DDX51: variants seen among roughly 807,000 people sequenced by gnomAD.
DDX51 encodes the protein DEAD-box helicase 51, also known as ATP-dependent RNA helicase DDX51.
In DDX51, 67 loss-of-function variants were observed where a neutral mutation model predicts 74.6. The observed-to-expected ratio is 0.90, with a 90% CI of 0.74 to 1.10. DDX51 has a LOEUF of 1.10. Among genes scored for constraint, DDX51 ranks in the 50% least tolerant of loss-of-function variants. The probability of loss-of-function intolerance (pLI) is 0.00; values close to 1 mark genes in which losing one functional copy is unlikely to be tolerated. For synonymous variants in DDX51, 545 were observed against 402.9 expected (o/e 1.35, Z -4.22); for missense variants, 1,056 against 905.2 (o/e 1.17, Z -2.14).
At position 132,141,959 on chromosome 12, in the gene DDX51, GC is replaced by G. The variant is rs1400120318; in HGVS notation, c.889-4del. 6 of 1,612,408 alleles carry G rather than the reference GC, an allele frequency of 3.7e-6. No homozygotes were observed. The highest frequency in any genetic ancestry group is 5.1e-6 in the Non-Finnish European group (6 of 1,179,696). On this transcript the variant is annotated splice_region_variant and splice_polypyrimidine_tract_variant and intron_variant, in intron 5 of 14. Coordinates refer to ENST00000397333, the MANE Select transcript of DDX51 (RefSeq NM_175066.4). ...TAGATGTTGAAAACTTTGCTCACCT[GC>G]AGGAGAAGTCTGTCACTGGCCTGGA...
rs1897607394 is a variant in DDX51, at chr12:132,144,204, G to A, written c.93C>T (p.Ala31=). ...TCTGCAGCCGCTCGAGCAGCGCGCG[G>A]GCCCTGCCGTGCGCCCCGGCCTCCG... ...EGAEAGAHGR[A]RALLERLQSR... Residue 31 remains alanine, a synonymous_variant, in exon 1 of 15, where the codon GCC becomes GCT. Transcript: ENST00000397333. 4.2e-6 allele frequency: 5 copies of A among 1,191,782 alleles called. No homozygotes were observed. The highest frequency in any genetic ancestry group is 4.5e-5 in the Admixed American group (1 of 22,114). 73.8% of individuals were successfully genotyped at this position (1,191,782 alleles called of 1,614,324 possible).
In DDX51 at chr12:132,143,699, G is replaced by C; in HGVS notation, c.515C>G (p.Pro172Arg). The C allele has an allele frequency of 1.3e-6, 2 of 1,538,058 alleles. No individual in the cohort carries two copies. The highest frequency in any genetic ancestry group is 8.7e-7 in the Non-Finnish European group (1 of 1,144,614). ...VLGGFGKRKA[P>R]KVQPFLPRWL... ...CTCCCGCCCGCCGAGGCTCACCTTC[G>C]GCGCCTTCCTCTTCCCGAACCCCCC... is the stretch of plus-strand genomic sequence containing the variant. The change falls in exon 2 of 15, where the codon CCG becomes CGG. Residue 172 changes from proline to arginine, a missense_variant. Transcript: ENST00000397333.
rs1278628145 is a variant in DDX51 at position 132,143,166 on chromosome 12, G to A, written c.520-288C>T. 6 of 460,506 alleles carry A rather than the reference G, an allele frequency of 1.3e-5. 1 individual carries two copies. The highest frequency in any genetic ancestry group is 6.3e-5 in the South Asian group (3 of 47,952). The allele number at this position is 460,506 out of a possible 1,614,324, so 28.5% of individuals were successfully genotyped here. On this transcript the variant is annotated intron_variant, in intron 2 of 14. Coordinates refer to ENST00000397333, the MANE Select transcript of DDX51 (RefSeq NM_175066.4). ...GGCGCTCGCCTGCCCCAGCCACGCC[G>A]GCGTCCCTGCCTCGAGGCCTCTGCC...
rs780780937 is a variant in DDX51, at chr12:132,141,886, G to C, written c.959C>G (p.Ser320Cys). 1.2e-6 allele frequency: 2 copies of C among 1,613,224 alleles called. No homozygotes were observed. Among genetic ancestry groups the C allele is most frequent in the Non-Finnish European group, 1.7e-6 (2 of 1,180,000 alleles). ...LRVSLVTGQK[S>C]LAKEQESLVQ... ...GAGGCTCTCCTGCTCCTTGGCCAGA[G>C]ACTTCTGTCCCGTAACCAGGGAGAC... is the stretch of plus-strand genomic sequence containing the variant. Residue 320 changes from serine (S) to cysteine (C), a missense_variant, in exon 6 of 15, where the codon TCT becomes TGT. Physicochemically the swap from Ser to Cys is moderately radical, Grantham distance 112 (BLOSUM62 -1). Transcript: ENST00000397333.
Position 132,141,925 on chromosome 12 carries a change from G to T in DDX51, c.920C>A (p.Ala307Asp). 1 of 1,613,206 alleles carries T rather than the reference G, an allele frequency of 6.2e-7. No individual in the cohort carries two copies. The highest frequency in any genetic ancestry group is 1.7e-5 in the Admixed American group (1 of 60,022). Residue 307 changes from alanine to aspartate, a missense_variant, in exon 6 of 15, where the codon GCC becomes GAC. By Grantham distance (126) the Ala-to-Asp change is moderately radical. Transcript: ENST00000397333. ...VSKVFNIYTD[A>D]TPLRVSLVTG... is the part of the protein sequence containing the mutation. ...AACCAGGGAGACTCTCAGAGGTGTG[G>T]CATCTGTGTAGATGTTGAAAACTTT...
chr12:132,141,483 G>A lies in DDX51; in HGVS notation c.1104+15C>T, dbSNP rs1897460336. ...CCCTGAGCTCAAAGCCCAGGCCCCT[G>A]GGGCGGGGACCTACCAGGAAGCGGA... is the stretch of plus-strand genomic sequence containing the variant. On this transcript the variant is annotated intron_variant, in intron 7 of 14. Transcript: ENST00000397333. 1 of 1,583,790 alleles carries A rather than the reference G, an allele frequency of 6.3e-7. No individual in the cohort carries two copies. Among genetic ancestry groups the A allele is most frequent in the Middle Eastern group, 1.7e-4 (1 of 5,978 alleles).
rs780772113 is a variant in DDX51, at chr12:132,141,265, T to C, written c.1250+10A>G. Reference sequence around the variant, plus strand: ...AGGGGAGGCCAGCACCTGGGCGTGCTGCTGGATACCTGGCGGCTGTCACAG... The same window carrying C: ...AGGGGAGGCCAGCACCTGGGCGTGCCGCTGGATACCTGGCGGCTGTCACAG... On this transcript the variant is annotated intron_variant, in intron 8 of 14. Transcript: ENST00000397333. The C allele has an allele frequency of 6.9e-6, 11 of 1,584,076 alleles. No individual in the cohort carries two copies. The highest frequency in any genetic ancestry group is 2.7e-5 in the African/African-American group (2 of 74,568).
In DDX51 at chr12:132,141,116, G is replaced by A. The variant is rs1014317778; in HGVS notation, c.1251-96C>T. Reference sequence around the variant, plus strand: ...CATGCTACGCACTGTAGAGACTGCCGCAGACCAGGAGCAAGGTGGGTCCAG... The same window carrying A: ...CATGCTACGCACTGTAGAGACTGCCACAGACCAGGAGCAAGGTGGGTCCAG... On this transcript the variant is annotated intron_variant, in intron 8 of 14. Coordinates refer to ENST00000397333, the MANE Select transcript of DDX51 (RefSeq NM_175066.4). 173 of 1,501,792 alleles carry A rather than the reference G, an allele frequency of 1.2e-4. 1 individual carries two copies. In the East Asian group the frequency reaches 3.6e-3, roughly 31 times the overall value. 93.0% of individuals were successfully genotyped at this position (1,501,792 alleles called of 1,614,324 possible). A position where few individuals can be genotyped will look rare whatever the true frequency, so the allele number is the denominator to read the frequency against.
rs1240017271 is a variant in DDX51, at chr12:132,137,778, G to C, written c.*1494C>G. 3 of 152,172 alleles carry C rather than the reference G, an allele frequency of 2.0e-5. No individual in the cohort carries two copies. Among genetic ancestry groups the C allele is most frequent in the East Asian group, 1.9e-4 (1 of 5,192 alleles). The allele number at this position is 152,172 out of a possible 1,614,324, so 9.4% of individuals were successfully genotyped here. ...GTATCCACCCAGTCCATGGTTTTTA[G>C]TAAAAGGTTTATAGAGGTGAGCAGC... is the stretch of plus-strand genomic sequence containing the variant. On this transcript the variant is annotated 3_prime_UTR_variant, in exon 15 of 15. Transcript: ENST00000397333.
chr12:132,140,803 C>T (rs1897425048), intron 9 of DDX51, 28 bp downstream of exon 9: 3 of 1,613,200 alleles, frequency 1.9e-6, no homozygotes, highest in African/African-American at 2.7e-5. Flanking sequence ...CCCAGTGCAA[C>T]CCTCTGCCCA....
rs939218524 is a variant in DDX51, at chr12:132,139,782, T to C, written c.1840-13A>G. The C allele has an allele frequency of 1.9e-6, 3 of 1,612,912 alleles. No individual in the cohort carries two copies. The African/African-American group carries it at 4.0e-5, about 22-fold the overall frequency. On this transcript the variant is annotated splice_polypyrimidine_tract_variant and intron_variant, in intron 13 of 14. Coordinates refer to ENST00000397333, the MANE Select transcript of DDX51 (RefSeq NM_175066.4). Reference sequence around the variant, plus strand: ...GGAATCTCCTCTCCTGGAGAGAAGCTCATGGTGGAAGGGGGTTCTTGGGCC... The same window carrying C: ...GGAATCTCCTCTCCTGGAGAGAAGCCCATGGTGGAAGGGGGTTCTTGGGCC...
Position 132,142,887 on chromosome 12 carries a change from A to C in DDX51, c.520-9T>G, listed in dbSNP as rs766371921. On this transcript the variant is annotated splice_polypyrimidine_tract_variant and intron_variant, in intron 2 of 14. Coordinates refer to ENST00000397333, the MANE Select transcript of DDX51 (RefSeq NM_175066.4). ...GGCAGGAAAGGCTGGACCTGCCATC[A>C]AAAAGAAAGAGAGGCCAGGTGAGCG... is the stretch of plus-strand genomic sequence containing the variant. 16 of 1,612,330 alleles carry C rather than the reference A, an allele frequency of 9.9e-6. No individual in the cohort carries two copies. Among genetic ancestry groups the C allele is most frequent in the Non-Finnish European group, 1.3e-5 (15 of 1,179,988 alleles).
At chr12:132,141,814 G>C in intron 6 of DDX51, 36 bp downstream of exon 6, 2 of 1,605,556 alleles carry the variant, frequency 1.2e-6, no homozygotes, top group Non-Finnish European at 8.5e-7. Flanking sequence ...GCTGAGCAGG[G>C]ACCCCCTGAA....
At position 132,142,317 on chromosome 12, in the gene DDX51, C is replaced by T; in HGVS notation, c.776G>A (p.Gly259Asp). The change falls in exon 4 of 15, where the codon GGC (glycine) becomes GAC (aspartate). Residue 259 changes from glycine (G) to aspartate (D), a missense_variant. Transcript: ENST00000397333. ...GACGAAGGCCAGTGTCTTCCCACTG[C>T]CTGTTGGGGCAGAAACACAGAGGTC... ...PSDLCVSAPT[G>D]SGKTLAFVIP... 6.2e-7 allele frequency: 1 copy of T among 1,613,154 alleles called. No homozygotes were observed. The highest frequency in any genetic ancestry group is 1.1e-5 in the South Asian group (1 of 91,090).
At chr12:132,139,569 G>A in intron 14 of DDX51, 66 bp downstream of exon 14, 1 of 1,612,144 alleles carries the variant, frequency 6.2e-7, no homozygotes, top group Non-Finnish European at 8.5e-7. Context: ...CTCCACGTGT[G>A]GTGACGACGC....
chr12:132,139,383 G>T, intron 14 of DDX51, 85 bp from the exon 15 acceptor site: 1 of 1,567,202 alleles, frequency 6.4e-7, no homozygotes, highest in Non-Finnish European at 8.7e-7. Flanking sequence ...CTGGAACCCT[G>T]AGGACAGGAA....
At chr12:132,139,353 T>C (rs1897360791) in intron 14 of DDX51, 55 bp from the exon 15 acceptor site, 1 of 1,591,854 alleles carries the variant, frequency 6.3e-7, no homozygotes. Context: ...TCATCGTCTG[T>C]GGGGCCCCGG....
Position 132,144,293 on chromosome 12 carries a change from C to A in DDX51, c.4G>T (p.Ala2Ser), listed in dbSNP as rs754810046. The A allele has an allele frequency of 4.5e-6, 6 of 1,333,866 alleles. No homozygotes were observed. The highest frequency in any genetic ancestry group is 5.7e-6 in the Non-Finnish European group (6 of 1,046,148). 82.6% of individuals were successfully genotyped at this position (1,333,866 alleles called of 1,614,324 possible). A position where few individuals can be genotyped will look rare whatever the true frequency, so the allele number is the denominator to read the frequency against. ...GGGTACCGCGCGACGTAGAACAGCG[C>A]CATGGCCAGCCGCACGCCTGGGACT... Reference protein sequence around the residue: MALFYVARYPGP... With the variant: MSLFYVARYPGP... Residue 2 changes from alanine (A) to serine (S), a missense_variant, in exon 1 of 15, where the codon GCG (alanine) becomes TCG (serine). Physicochemically the swap from Ala to Ser is moderately conservative, Grantham distance 99 (BLOSUM62 1). Coordinates refer to ENST00000397333, the MANE Select transcript of DDX51 (RefSeq NM_175066.4).
At chr12:132,142,494 C>T (rs899176515) in intron 3 of DDX51, 72 bp from the exon 4 acceptor site, 47 of 1,564,728 alleles carry the variant, frequency 3.0e-5, no homozygotes, top group African/African-American at 3.0e-4. Context: ...CTGCCTGTGA[C>T]CTCTGGGCTG....
Sources: allele counts gnomAD v4.1 joint callset, GRCh38; gene constraint gnomAD v4.1.1; transcripts MANE v1.5; gene names NCBI Gene and HGNC (gene_info 2026-07-23, HGNC 2026-07-21).